The following XIRP2 variants were observed in gnomAD, a reference collection of about 807,000 sequenced individuals.
XIRP2 encodes the protein xin actin-binding repeat-containing protein 2.
Under a neutral mutation model 277.0 loss-of-function variants are expected in XIRP2, and 236 were observed. That is an observed-to-expected ratio of 0.85 (90% confidence interval 0.77 to 0.95). The LOEUF (loss-of-function observed/expected upper bound fraction) is 0.95. XIRP2 is among the 40% of genes least tolerant of loss of function. The probability of loss-of-function intolerance (pLI) is 0.00; values close to 1 mark genes in which losing one functional copy is unlikely to be tolerated. For missense variants in XIRP2, 4,640 were observed against 4,157.5 expected (o/e 1.12, Z -3.19); for synonymous variants, 1,490 against 1,416.5 (o/e 1.05, Z -1.17).
chr2:167,130,766 C>A (rs1317911219), intron 2 of XIRP2, among the ~76,000 whole-genome samples: 1 of 151,954 alleles, frequency 6.6e-6, no homozygotes, highest in Non-Finnish European at 1.5e-5. Flanking sequence ...CTCTCCCTGC[C>A]CTAACCCCAC....
At chr2:167,095,062 T>A (rs906852471) in intron 2 of XIRP2, among the ~76,000 whole-genome samples, 1 of 152,194 alleles carries the variant, frequency 6.6e-6, no homozygotes, top group African/African-American at 2.4e-5. Flanking sequence ...CTAGGTTTTT[T>A]ATTCTCTTTG....
Position 167,014,225 on chromosome 2 carries a change from C to T in XIRP2, c.408+110335C>T, listed in dbSNP as rs1031375145. 6.5e-4 allele frequency among the ~76,000 whole-genome samples: 98 copies of T among 151,368 alleles called. 1 individual carries two copies. The highest frequency in any genetic ancestry group is 2.3e-3 in the African/African-American group (95 of 41,386). On this transcript the variant is annotated intron_variant, in intron 2 of 10. Coordinates refer to ENST00000409195, the MANE Select transcript of XIRP2 (RefSeq NM_152381.6). ...ATTAGGAAAAACAAATTAAAAGGGACAGTCAAAAATTACTAGACACACAGA... is the reference window on the plus strand; with the variant it reads ...ATTAGGAAAAACAAATTAAAAGGGATAGTCAAAAATTACTAGACACACAGA...
At chr2:166,923,657 C>T (rs1685110328) in intron 2 of XIRP2, among the ~76,000 whole-genome samples, 1 of 152,012 alleles carries the variant, frequency 6.6e-6, no homozygotes, top group Non-Finnish European at 1.5e-5. Context: ...ATGTTACATC[C>T]CAGACAGATG....
intron 4 of XIRP2, among the ~76,000 whole-genome samples, chr2:167,217,105 G>A (rs1247782289): frequency 7.0e-6 from 1 of 142,258 alleles, no homozygotes; most frequent in Non-Finnish European, 1.5e-5. Context: ...GTCACAGGAA[G>A]GGGAATATCA....
intron 3 of XIRP2, among the ~76,000 whole-genome samples, chr2:167,177,734 C>T (rs1266770480): frequency 6.6e-6 from 1 of 152,098 alleles, no homozygotes; most frequent in Non-Finnish European, 1.5e-5. Flanking sequence ...TTTGACAGTA[C>T]TCTCGTATAC....
At chr2:167,156,099 G>A (rs549844370) in intron 3 of XIRP2, among the ~76,000 whole-genome samples, 152 of 151,484 alleles carry the variant, frequency 1.0e-3, no homozygotes, top group African/African-American at 3.5e-3. Flanking sequence ...AATAAAAGAG[G>A]ATACAAACAA....
intron 2 of XIRP2, among the ~76,000 whole-genome samples, chr2:166,919,194 G>A (rs1418905701): frequency 1.3e-5 from 2 of 151,914 alleles, no homozygotes; most frequent in African/African-American, 4.8e-5. Flanking sequence ...TATTATATAT[G>A]GGAAACAAAT....
intron 2 of XIRP2, among the ~76,000 whole-genome samples, chr2:166,914,128 T>C (rs531438824): frequency 1.3e-5 from 2 of 152,236 alleles, no homozygotes; most frequent in South Asian, 2.1e-4. Flanking sequence ...GGATGTCAGA[T>C]TGAGAGAGTC....
At chr2:167,150,847 A>G (rs1691996245) in intron 3 of XIRP2, among the ~76,000 whole-genome samples, 2 of 152,090 alleles carry the variant, frequency 1.3e-5, no homozygotes, top group African/African-American at 4.8e-5. Flanking sequence ...ATAAACTATC[A>G]TATTAAAATA....
chr2:167,237,319 C>T (rs1218970763), intron 5 of XIRP2, among the ~76,000 whole-genome samples: 2 of 152,014 alleles, frequency 1.3e-5, no homozygotes, highest in Non-Finnish European at 2.9e-5. Flanking sequence ...TTTTCTATTC[C>T]AAATATTTTG....
intron 2 of XIRP2, 79 bp downstream of exon 2, chr2:166,903,969 T>G: frequency 6.7e-7 from 1 of 1,484,838 alleles, no homozygotes; most frequent in Admixed American, 2.1e-5. Context: ...AAGCATGTAA[T>G]CTTTCCCCCC....
rs3749002 is a variant in XIRP2 at position 167,250,100 on chromosome 2, G to A, written c.8708G>A (p.Gly2903Asp). 7,960 of 1,613,268 alleles carry A rather than the reference G, an allele frequency of 4.9e-3. 131 individuals carry two copies. The highest frequency in any genetic ancestry group is 0.041 in the East Asian group (1,826 of 44,814). Residue 2903 changes from glycine to aspartate, a missense_variant, in exon 9 of 11, where the codon GGC (glycine) becomes GAC (aspartate). Coordinates refer to ENST00000409195, the MANE Select transcript of XIRP2 (RefSeq NM_152381.6). ...LQEEKCLEVK[G>D]IQEKQVFSNT... ...GAAGAAAAATGTCTCGAAGTCAAGGGCATACAAGAGAAACAAGTCTTCTCT... is the reference window on the plus strand; with the variant it reads ...GAAGAAAAATGTCTCGAAGTCAAGGACATACAAGAGAAACAAGTCTTCTCT...
intron 2 of XIRP2, among the ~76,000 whole-genome samples, chr2:167,014,647 G>T (rs147039778): frequency 6.6e-6 from 1 of 151,840 alleles, no homozygotes; most frequent in African/African-American, 2.4e-5. Context: ...CATTATAAAA[G>T]TTAATTCCTC....
At chr2:166,921,847 A>G (rs1472001891) in intron 2 of XIRP2, among the ~76,000 whole-genome samples, 1 of 152,092 alleles carries the variant, frequency 6.6e-6, no homozygotes, top group East Asian at 1.9e-4. Context: ...CAGATCTTTG[A>G]TAACTTGATG....
At chr2:167,147,361 T>G (rs1443670223) in intron 3 of XIRP2, among the ~76,000 whole-genome samples, 3 of 152,162 alleles carry the variant, frequency 2.0e-5, no homozygotes, top group Non-Finnish European at 4.4e-5. Flanking sequence ...CTCCAAGCTC[T>G]GGAATATCAG....
At chr2:167,195,703 G>A (rs115096186) in intron 3 of XIRP2, among the ~76,000 whole-genome samples, 1,662 of 152,298 alleles carry the variant, frequency 0.011, 11 homozygotes, top group Non-Finnish European at 0.018. Context: ...TCACAAGCCA[G>A]TGAAATGGCG....
intron 9 of XIRP2, among the ~76,000 whole-genome samples, chr2:167,253,140 A>G (rs1041498029): frequency 2.0e-5 from 3 of 151,906 alleles, no homozygotes; most frequent in African/African-American, 7.2e-5. Context: ...TTTTATAAAT[A>G]ACTAATACCA....
intron 2 of XIRP2, among the ~76,000 whole-genome samples, chr2:166,972,930 G>A (rs991198850): frequency 1.6e-4 from 24 of 152,156 alleles, no homozygotes; most frequent in African/African-American, 5.5e-4. Context: ...TCTTAGTAAT[G>A]CTTTCTAAAT....
intron 3 of XIRP2, among the ~76,000 whole-genome samples, chr2:167,185,024 G>A (rs1693117527): frequency 6.6e-6 from 1 of 152,026 alleles, no homozygotes; most frequent in Non-Finnish European, 1.5e-5. Flanking sequence ...TGCTTTCATA[G>A]TGGTTTCATA....
Sources: allele counts gnomAD v4.1 joint callset (sites outside exome capture counted in the v4.1 genomes callset), GRCh38; gene constraint gnomAD v4.1.1; transcripts MANE v1.5; gene names NCBI Gene and HGNC (gene_info 2026-07-23, HGNC 2026-07-21).